KAZN: variants seen among roughly 807,000 people sequenced by gnomAD.
The protein encoded by KAZN is kazrin, periplakin interacting protein.
In KAZN, 40 loss-of-function variants were observed where a neutral mutation model predicts 87.4. That is an observed-to-expected ratio of 0.46 (90% CI 0.36 to 0.60). The LOEUF (loss-of-function observed/expected upper bound fraction) is 0.60, where lower values mean the gene tolerates loss of function less well. Among genes scored for constraint, KAZN ranks in the 20% least tolerant of loss-of-function variants. The pLI, the probability that KAZN is intolerant of heterozygous loss-of-function variation, is 0.00. For synonymous variants in KAZN, 466 were observed against 458.3 expected (o/e 1.02, Z -0.22); for missense variants, 898 against 1,073.9 (o/e 0.84, Z 2.29).
At chr1:14,988,759 G>A (rs1272607842) in intron 2 of KAZN, among the ~76,000 whole-genome samples, 2 of 152,174 alleles carry the variant, frequency 1.3e-5, no homozygotes, top group African/African-American at 4.8e-5. Context: ...ATGGTCAGAT[G>A]TGCGGCTCAG....
chr1:14,977,237 T>C (rs899479705), intron 2 of KAZN, among the ~76,000 whole-genome samples: 5 of 152,170 alleles, frequency 3.3e-5, no homozygotes, highest in Admixed American at 1.3e-4. Flanking sequence ...AGCCACAGGA[T>C]TGCTCCTGTC....
chr1:13,918,663 T>C (rs963587649), intron 1 of KAZN, among the ~76,000 whole-genome samples: 1 of 152,228 alleles, frequency 6.6e-6, no homozygotes, highest in African/African-American at 2.4e-5. Context: ...GAAGAGTCCA[T>C]TGATGTGGCA....
chr1:14,906,491 CTG>C (rs1656596550), intron 1 of KAZN, among the ~76,000 whole-genome samples: 1 of 151,984 alleles, frequency 6.6e-6, no homozygotes, highest in Non-Finnish European at 1.5e-5. Context: ...TGAGGTGTGG[CTG>C]TGACTTGGGG....
intron 1 of KAZN, among the ~76,000 whole-genome samples, chr1:14,097,241 A>T (rs1160416946): frequency 6.6e-6 from 1 of 152,214 alleles, no homozygotes; most frequent in Non-Finnish European, 1.5e-5. Flanking sequence ...TAGTCCAGGG[A>T]ACTTAGATAG....
intron 1 of KAZN, among the ~76,000 whole-genome samples, chr1:13,969,478 C>T (rs1642062118): frequency 6.6e-6 from 1 of 152,212 alleles, no homozygotes; most frequent in Non-Finnish European, 1.5e-5. Context: ...CAGCAAACCA[C>T]TGGAAGCTAA....
rs559113113 is a variant in KAZN, at chr1:14,100,125, CAGCCCCTCACT to C, written c.92-80304_92-80294del. On this transcript the variant is annotated intron_variant, in intron 1 of 16. Transcript: ENST00000636203. The stretch of plus-strand genomic sequence containing the variant: ...TGCCCTCCCACCAGTTGCTAACAAC[CAGCCCCTCACT>C]AGCCCAGGATATGGCACTGTTGTTT... 3.6e-4 allele frequency among the ~76,000 whole-genome samples: 55 copies of C among 152,296 alleles called. No individual in the cohort carries two copies. The South Asian group carries it at 5.2e-3, about 14-fold the overall frequency.
intron 1 of KAZN, among the ~76,000 whole-genome samples, chr1:13,895,131 G>A (rs1389414354): frequency 1.3e-5 from 2 of 152,192 alleles, no homozygotes; most frequent in African/African-American, 4.8e-5. Context: ...TTTGCAGGGA[G>A]GGGCATAGCT....
chr1:14,339,896 T>G (rs562099033), intron 2 of KAZN, among the ~76,000 whole-genome samples: 2 of 152,300 alleles, frequency 1.3e-5, no homozygotes, highest in Admixed American at 6.5e-5. Flanking sequence ...TGAGTTATCC[T>G]TAAGGGCTTA....
chr1:14,035,374 C>T (rs1249936935), intron 1 of KAZN, among the ~76,000 whole-genome samples: 1 of 152,120 alleles, frequency 6.6e-6, no homozygotes, highest in Non-Finnish European at 1.5e-5. Flanking sequence ...CCCCAGATAA[C>T]CCCTGGGGAC....
At chr1:15,083,865 G>A (rs151049343) in intron 8 of KAZN, among the ~76,000 whole-genome samples, 78 of 152,306 alleles carry the variant, frequency 5.1e-4, no homozygotes, top group Non-Finnish European at 8.1e-4. Flanking sequence ...AAGCACAGGC[G>A]TTCAAGAACA....
At chr1:14,187,016 C>T (rs1646322890) in intron 2 of KAZN, among the ~76,000 whole-genome samples, 1 of 152,118 alleles carries the variant, frequency 6.6e-6, no homozygotes, top group African/African-American at 2.4e-5. Flanking sequence ...TTACTGTTTA[C>T]AAAGTACTTT....
intron 1 of KAZN, among the ~76,000 whole-genome samples, chr1:14,624,870 C>G (rs2148648346): frequency 6.6e-6 from 1 of 152,200 alleles, no homozygotes; most frequent in African/African-American, 2.4e-5. Flanking sequence ...GACCCAACAG[C>G]AAAAGACCTT....
At chr1:14,216,532 A>C (rs1330424579) in intron 2 of KAZN, among the ~76,000 whole-genome samples, 1 of 152,206 alleles carries the variant, frequency 6.6e-6, no homozygotes, top group East Asian at 1.9e-4. Flanking sequence ...TGAAAACTGC[A>C]TGAAAACGAA....
chr1:14,308,686 A>G (rs1655092093), intron 2 of KAZN, among the ~76,000 whole-genome samples: 1 of 152,210 alleles, frequency 6.6e-6, no homozygotes, highest in Non-Finnish European at 1.5e-5. Context: ...CCTTGCCTGC[A>G]AAATGGAGAT....
At chr1:14,393,475 C>T (rs1009868918) in intron 2 of KAZN, among the ~76,000 whole-genome samples, 6 of 152,052 alleles carry the variant, frequency 3.9e-5, no homozygotes, top group African/African-American at 1.4e-4. Context: ...CTCTGTGTGC[C>T]TTTGGGGCCA....
chr1:14,632,139 C>T (rs1338665717), intron 1 of KAZN, among the ~76,000 whole-genome samples: 2 of 152,164 alleles, frequency 1.3e-5, no homozygotes, highest in African/African-American at 2.4e-5. Flanking sequence ...TTCCCCTTAT[C>T]GTGTACAGGT....
chr1:14,458,989 C>A (rs1667711834), intron 2 of KAZN, among the ~76,000 whole-genome samples: 1 of 152,152 alleles, frequency 6.6e-6, no homozygotes, highest in Non-Finnish European at 1.5e-5. Flanking sequence ...AAGAGGGAAG[C>A]TATGGCAACC....
intron 1 of KAZN, among the ~76,000 whole-genome samples, chr1:14,022,962 G>A (rs188147782): frequency 2.4e-4 from 37 of 152,182 alleles, no homozygotes; most frequent in African/African-American, 8.2e-4. Context: ...CCTTATAAAT[G>A]GAATACTATT....
At chr1:14,998,507 C>G (rs1019112656) in intron 2 of KAZN, among the ~76,000 whole-genome samples, 12 of 152,158 alleles carry the variant, frequency 7.9e-5, no homozygotes, top group African/African-American at 2.9e-4. Context: ...CTCATAATAC[C>G]CTATGATGGA....
Sources: gnomAD v4.1 joint callset for allele counts (sites outside exome capture counted in the v4.1 genomes callset) on GRCh38, gnomAD v4.1.1 for gene constraint, MANE v1.5 for transcripts, NCBI Gene and HGNC (gene_info 2026-07-23, HGNC 2026-07-21) for gene names.